EIF4G3: variants seen among roughly 807,000 people sequenced by gnomAD.
EIF4G3 encodes eukaryotic translation initiation factor 4 gamma 3, also known as eIF-4-gamma 3.
EIF4G3 carries 34 observed loss-of-function variants against 186.4 expected under a neutral mutation model. The observed-to-expected ratio is 0.18, with a 90% CI of 0.14 to 0.24. EIF4G3 has a LOEUF of 0.24. Ranked by LOEUF, EIF4G3 falls within the 10% of genes least tolerant of loss-of-function variation. EIF4G3 has a pLI of 1.00. For synonymous variants in EIF4G3, 673 were observed against 679.5 expected (o/e 0.99, Z 0.15); for missense variants, 1,536 against 1,948.5 (o/e 0.79, Z 3.99).
intron 15 of EIF4G3, among the ~76,000 whole-genome samples, chr1:20,902,947 T>G (rs1300102996): frequency 2.0e-5 from 3 of 152,240 alleles, no homozygotes; most frequent in African/African-American, 7.2e-5. Context: ...AGCCTTGTCT[T>G]AAACTATAAA....
chr1:20,946,499 T>C, intron 13 of EIF4G3, among the ~76,000 whole-genome samples: 1 of 152,336 alleles, frequency 6.6e-6, no homozygotes, highest in African/African-American at 2.4e-5. Context: ...AAATGGTAGA[T>C]TTGTCTGGAA....
At chr1:21,035,020 C>T (rs1478805558) in intron 4 of EIF4G3, among the ~76,000 whole-genome samples, 1 of 152,122 alleles carries the variant, frequency 6.6e-6, no homozygotes, top group Non-Finnish European at 1.5e-5. Flanking sequence ...GGAGCCCCAC[C>T]CCAGGTGGCA....
chr1:20,913,499 C>T (rs2093493001), intron 14 of EIF4G3, among the ~76,000 whole-genome samples: 1 of 152,136 alleles, frequency 6.6e-6, no homozygotes, highest in African/African-American at 2.4e-5. Flanking sequence ...TACTGTACCC[C>T]ACCCTGTGTG....
intron 20 of EIF4G3, among the ~76,000 whole-genome samples, chr1:20,871,959 C>T (rs116510167): frequency 0.01 from 1,572 of 151,928 alleles, 21 homozygotes; most frequent in African/African-American, 0.036. Flanking sequence ...AAGTAGCTGG[C>T]GTGATAGGCA....
intron 6 of EIF4G3, among the ~76,000 whole-genome samples, chr1:20,998,212 TACAC>T (rs5772928): frequency 0.031 from 4,633 of 148,516 alleles, 102 homozygotes; most frequent in South Asian, 0.042. Context: ...TTTATGACTT[TACAC>T]ACACACACAC....
intron 20 of EIF4G3, among the ~76,000 whole-genome samples, chr1:20,876,407 T>A (rs1384167600): frequency 1.4e-5 from 2 of 142,468 alleles, no homozygotes; most frequent in African/African-American, 5.2e-5. Context: ...AATCTATCTG[T>A]AATGACCTAG....
intron 7 of EIF4G3, among the ~76,000 whole-genome samples, chr1:20,986,082 C>T (rs973351056): frequency 4.6e-5 from 7 of 152,196 alleles, no homozygotes; most frequent in South Asian, 2.1e-4. Context: ...AACCCTCTCC[C>T]TAGCATCCTG....
At chr1:21,154,927 C>T (rs1253559036) in intron 2 of EIF4G3, among the ~76,000 whole-genome samples, 1 of 152,078 alleles carries the variant, frequency 6.6e-6, no homozygotes, top group Non-Finnish European at 1.5e-5. Flanking sequence ...TGTGACTAAC[C>T]ATAAACAAAG....
intron 16 of EIF4G3, among the ~76,000 whole-genome samples, chr1:20,896,211 C>T (rs1365586733): frequency 1.3e-5 from 2 of 151,958 alleles, no homozygotes; most frequent in East Asian, 3.9e-4. Context: ...AATCCCAGTA[C>T]TTTGGGAGGC....
intron 31 of EIF4G3, among the ~76,000 whole-genome samples, chr1:20,828,027 A>C (rs889435123): frequency 2.7e-5 from 4 of 149,616 alleles, no homozygotes; most frequent in Admixed American, 2.0e-4. Flanking sequence ...TGCTTTTATA[A>C]AGTTTTTTTT....
chr1:20,990,388 T>C (rs547363949), intron 7 of EIF4G3, among the ~76,000 whole-genome samples: 4 of 151,968 alleles, frequency 2.6e-5, no homozygotes, highest in East Asian at 2.0e-4. Context: ...AAGTATTTAA[T>C]TACCAGCCGG....
chr1:20,848,047 C>G (rs755201197), intron 29 of EIF4G3: 35 of 329,334 alleles, frequency 1.1e-4, no homozygotes, highest in Non-Finnish European at 1.8e-4. Context: ...CTCACTGCAA[C>G]CTCTGCCTCC....
chr1:21,162,237 G>A (rs949330264), intron 2 of EIF4G3, among the ~76,000 whole-genome samples: 3 of 151,990 alleles, frequency 2.0e-5, no homozygotes, highest in Admixed American at 6.6e-5. Context: ...AATCACCAGA[G>A]GTCAGGAGTT....
intron 4 of EIF4G3, among the ~76,000 whole-genome samples, chr1:21,036,059 A>G (rs1013862662): frequency 1.3e-5 from 2 of 152,070 alleles, no homozygotes; most frequent in African/African-American, 4.8e-5. Flanking sequence ...GCCTACAGAG[A>G]GAAGCCACCT....
intron 3 of EIF4G3, among the ~76,000 whole-genome samples, chr1:21,084,252 GA>G (rs1174925125): frequency 2.0e-5 from 3 of 147,752 alleles, no homozygotes; most frequent in Admixed American, 6.7e-5. Flanking sequence ...AAAAAAGAAA[GA>G]AAAAAAAGAG....
chr1:21,098,526 C>T (rs1393495671), intron 2 of EIF4G3, among the ~76,000 whole-genome samples: 3 of 109,738 alleles, frequency 2.7e-5, no homozygotes, highest in Non-Finnish European at 5.1e-5. Context: ...GCAACCAGAG[C>T]GAGGCCCTGT....
rs541011824 is a variant in EIF4G3, at chr1:20,993,806, C to G, written c.177+3795G>C. ...CTTAAGTATGTAAAACCCAAAATAT[C>G]CCAGGACATGAGTGTCTTCCCTTTA... On this transcript the variant is annotated intron_variant, in intron 7 of 36. Transcript: ENST00000602326. Among the ~76,000 whole-genome samples, 5 of 152,268 alleles carry G rather than the reference C, an allele frequency of 3.3e-5. No homozygotes were observed. In the Middle Eastern group the frequency reaches 0.014, roughly 414 times the overall value.
chr1:20,956,428 GA>G (rs1024845233), intron 12 of EIF4G3, among the ~76,000 whole-genome samples: 3 of 152,078 alleles, frequency 2.0e-5, no homozygotes, highest in Non-Finnish European at 4.4e-5. Flanking sequence ...GCAGAGAGAT[GA>G]GTGAGAAAGT....
chr1:20,904,597 C>G (rs1378969936), intron 15 of EIF4G3, among the ~76,000 whole-genome samples: 1 of 152,164 alleles, frequency 6.6e-6, no homozygotes. Flanking sequence ...ATCATCCTGC[C>G]TTCACCTCAC....
Sources: allele counts gnomAD v4.1 joint callset (sites outside exome capture counted in the v4.1 genomes callset), GRCh38; gene constraint gnomAD v4.1.1; transcripts MANE v1.5; gene names NCBI Gene and HGNC (gene_info 2026-07-23, HGNC 2026-07-21).